Variants in CNTN4 observed in about 807,000 individuals in gnomAD.
CNTN4 encodes contactin 4.
CNTN4 carries 77 observed loss-of-function variants against 122.5 expected under a neutral mutation model. That is an observed-to-expected ratio of 0.63 (90% confidence interval 0.52 to 0.76). CNTN4 has a LOEUF of 0.76. Ranked by LOEUF, CNTN4 falls within the 30% of genes least tolerant of loss-of-function variation. The pLI is 0.00. For missense variants in CNTN4, 1,256 were observed against 1,259.1 expected (o/e 1.00, Z 0.04); for synonymous variants, 512 against 447.0 (o/e 1.15, Z -1.83).
At chr3:2,260,933 G>T (rs1254407491) in intron 2 of CNTN4, among the ~76,000 whole-genome samples, 1 of 151,940 alleles carries the variant, frequency 6.6e-6, no homozygotes, top group East Asian at 1.9e-4. Flanking sequence ...GTTTCACCAT[G>T]TTGGCCAGGC....
chr3:2,891,293 A>G (rs1406654413), intron 10 of CNTN4, among the ~76,000 whole-genome samples: 2 of 152,024 alleles, frequency 1.3e-5, no homozygotes, highest in African/African-American at 4.8e-5. Context: ...AAAATATAAA[A>G]ATTAGCTGGG....
At chr3:2,202,018 T>A (rs965699022) in intron 2 of CNTN4, among the ~76,000 whole-genome samples, 1 of 152,140 alleles carries the variant, frequency 6.6e-6, no homozygotes, top group African/African-American at 2.4e-5. Context: ...ATTTTTAGTA[T>A]CTCCAACTAG....
chr3:2,178,259 A>G (rs59399898), intron 2 of CNTN4, among the ~76,000 whole-genome samples: 4,104 of 152,110 alleles, frequency 0.027, 185 homozygotes, highest in African/African-American at 0.094. Context: ...ACACAAAGGT[A>G]CATACTTTTT....
chr3:2,267,838 CAT>C (rs1014196170), intron 2 of CNTN4, among the ~76,000 whole-genome samples: 7 of 151,496 alleles, frequency 4.6e-5, no homozygotes, highest in Admixed American at 1.3e-4. Flanking sequence ...ATCTTTTCAT[CAT>C]ATATATAACA....
intron 3 of CNTN4, among the ~76,000 whole-genome samples, chr3:2,473,587 G>A (rs956010481): frequency 1.3e-5 from 2 of 152,060 alleles, no homozygotes; most frequent in African/African-American, 4.8e-5. Flanking sequence ...ATATTGAATT[G>A]CACCAATTTT....
At chr3:2,598,853 G>A (rs979518489) in intron 4 of CNTN4, among the ~76,000 whole-genome samples, 3 of 151,632 alleles carry the variant, frequency 2.0e-5, no homozygotes, top group African/African-American at 7.3e-5. Context: ...TTGGTTTTGT[G>A]GCTGAACAAA....
rs74851698 is a variant in CNTN4 at position 2,185,832 on chromosome 3, C to T, written c.-145+85193C>T. ...GTTCTCTGTGTGCTTAATTTATTTT[C>T]TGGTTTTGTTTTATGAGGCATGTGG... On this transcript the variant is annotated intron_variant, in intron 2 of 24. Coordinates refer to ENST00000418658, the MANE Select transcript of CNTN4 (RefSeq NM_175607.3). Among the ~76,000 whole-genome samples the T allele has an allele frequency of 5.7e-3, 865 of 152,204 alleles. 11 individuals carry two copies. Among genetic ancestry groups the T allele is most frequent in the African/African-American group, 0.02 (815 of 41,540 alleles).
At chr3:2,596,881 T>C (rs1341025127) in intron 4 of CNTN4, among the ~76,000 whole-genome samples, 2 of 152,218 alleles carry the variant, frequency 1.3e-5, no homozygotes, top group African/African-American at 2.4e-5. Context: ...AACTGGCTAC[T>C]TATCTTATTG....
chr3:2,900,217 A>G (rs1221881145), intron 10 of CNTN4, among the ~76,000 whole-genome samples: 1 of 152,210 alleles, frequency 6.6e-6, no homozygotes, highest in East Asian at 1.9e-4. Context: ...CTTTAAGTGA[A>G]TAACCCAGAA....
intron 3 of CNTN4, among the ~76,000 whole-genome samples, chr3:2,472,550 T>C (rs1211843836): frequency 3.9e-5 from 6 of 152,104 alleles, no homozygotes; most frequent in Non-Finnish European, 7.4e-5. Context: ...CAAGGACAAA[T>C]TTTACTTACA....
chr3:2,932,757 A>G (rs1227923767), intron 13 of CNTN4, among the ~76,000 whole-genome samples: 2 of 152,002 alleles, frequency 1.3e-5, no homozygotes, highest in Non-Finnish European at 2.9e-5. Context: ...GCAAGAGAGA[A>G]AAAAAAGGAG....
chr3:2,390,504 G>A (rs1381425759), intron 3 of CNTN4, among the ~76,000 whole-genome samples: 2 of 152,074 alleles, frequency 1.3e-5, no homozygotes, highest in Admixed American at 6.6e-5. Context: ...ACATGATATA[G>A]CATTAATGTT....
At chr3:2,742,249 T>C (rs1256330435) in intron 5 of CNTN4, among the ~76,000 whole-genome samples, 1 of 152,202 alleles carries the variant, frequency 6.6e-6, no homozygotes, top group Non-Finnish European at 1.5e-5. Context: ...TTCCCTCAAC[T>C]GAGCCTTCTC....
At chr3:2,691,023 A>T (rs926727334) in intron 4 of CNTN4, among the ~76,000 whole-genome samples, 3 of 152,218 alleles carry the variant, frequency 2.0e-5, no homozygotes, top group African/African-American at 7.2e-5. Flanking sequence ...AAACTGCTTC[A>T]TCACAAATAA....
intron 13 of CNTN4, among the ~76,000 whole-genome samples, chr3:2,988,021 C>T (rs1206942746): frequency 1.3e-5 from 2 of 152,094 alleles, no homozygotes; most frequent in Non-Finnish European, 2.9e-5. Context: ...GGTGATCTAC[C>T]GTAAGCCTTC....
At chr3:2,778,296 A>G (rs547785131) in intron 6 of CNTN4, among the ~76,000 whole-genome samples, 44 of 152,166 alleles carry the variant, frequency 2.9e-4, no homozygotes, top group African/African-American at 1.1e-3. Flanking sequence ...TGTGTTATCC[A>G]TGTATGTATA....
chr3:2,184,016 G>A (rs961066106), intron 2 of CNTN4, among the ~76,000 whole-genome samples: 1 of 151,954 alleles, frequency 6.6e-6, no homozygotes, highest in Non-Finnish European at 1.5e-5. Flanking sequence ...CTGTCACCCA[G>A]GCTAGAGTGC....
chr3:2,334,542 A>G (rs898162547), intron 2 of CNTN4, among the ~76,000 whole-genome samples: 1 of 140,878 alleles, frequency 7.1e-6, no homozygotes, highest in African/African-American at 2.6e-5. Flanking sequence ...AAGAGGTTAT[A>G]TAACTTGGTT....
chr3:2,583,931 G>T (rs1370895562), intron 4 of CNTN4, among the ~76,000 whole-genome samples: 1 of 152,178 alleles, frequency 6.6e-6, no homozygotes, highest in Non-Finnish European at 1.5e-5. Context: ...GAACCATATT[G>T]TTACAGTATC....
Sources: allele counts gnomAD v4.1 joint callset (sites outside exome capture counted in the v4.1 genomes callset), GRCh38; gene constraint gnomAD v4.1.1; transcripts MANE v1.5; gene names NCBI Gene and HGNC (gene_info 2026-07-23, HGNC 2026-07-21).